Variants in CDKL5 observed in about 807,000 individuals in gnomAD.
The protein encoded by CDKL5 is cyclin dependent kinase like 5, also known as cyclin-dependent kinase-like 5.
In CDKL5, 8 loss-of-function variants were observed where a neutral mutation model predicts 61.7. That is an observed-to-expected ratio of 0.13 (90% CI 0.08 to 0.23). The LOEUF is 0.23. Among genes scored for constraint, CDKL5 ranks in the 10% least tolerant of loss-of-function variants. The pLI is 1.00. For missense variants in CDKL5, 440 were observed against 734.5 expected (o/e 0.60, Z 4.63); for synonymous variants, 275 against 272.3 (o/e 1.01, Z -0.10).
intron 2 of CDKL5, among the ~76,000 whole-genome samples, chrX:18,510,219 G>T (rs544193932): frequency 1.8e-5 from 2 of 111,129 alleles, no homozygotes; most frequent in Non-Finnish European, 3.8e-5. Flanking sequence ...GCAGTGGCGC[G>T]ATCTGGACTA....
At chrX:18,620,147 A>G (rs1006634297) in intron 16 of CDKL5, among the ~76,000 whole-genome samples, 181 bp downstream of exon 16, 2 of 112,297 alleles carry the variant, frequency 1.8e-5, no homozygotes, top group South Asian at 7.3e-4. Flanking sequence ...AGCCTTTTCT[A>G]CATTCAACAG....
chrX:18,468,889 C>T (rs1346521127), intron 1 of CDKL5, among the ~76,000 whole-genome samples: 2 of 110,719 alleles, frequency 1.8e-5, no homozygotes, highest in Admixed American at 1.9e-4. Context: ...GTTTTTATAC[C>T]CTTGAATATA....
chrX:18,514,717 A>G (rs1322926858), intron 3 of CDKL5, among the ~76,000 whole-genome samples: 1 of 110,762 alleles, frequency 9.0e-6, no homozygotes, highest in African/African-American at 3.3e-5. Context: ...CAAAAAAAAA[A>G]AAAAAAAGAT....
chrX:18,580,056 T>C (rs948999219), intron 6 of CDKL5, 88 bp downstream of exon 6: 7 of 816,976 alleles, frequency 8.6e-6, no homozygotes, highest in Non-Finnish European at 1.3e-5. Context: ...AAGAATATTT[T>C]CATAAGCATT....
chrX:18,482,219 A>G (rs1189390120), intron 1 of CDKL5, among the ~76,000 whole-genome samples: 2 of 111,428 alleles, frequency 1.8e-5, no homozygotes, highest in African/African-American at 6.5e-5. Flanking sequence ...CAGGGTCCAC[A>G]TGGACCACCT....
chrX:18,511,492 T>C (rs1922826743), intron 3 of CDKL5, among the ~76,000 whole-genome samples: 1 of 111,441 alleles, frequency 9.0e-6, no homozygotes, highest in Non-Finnish European at 1.9e-5. Context: ...TATGGTATTT[T>C]TTGTTTAGAT....
At chrX:18,628,127 G>A (rs959971589) in intron 17 of CDKL5, among the ~76,000 whole-genome samples, 3 of 111,857 alleles carry the variant, frequency 2.7e-5, no homozygotes, top group Non-Finnish European at 5.6e-5. Context: ...ATGAGCCTGG[G>A]CCTTTGATTG....
chrX:18,647,702 A>G (rs1927843785), intron 20 of CDKL5: 1 of 209,528 alleles, frequency 4.8e-6, no homozygotes, highest in Non-Finnish European at 8.7e-6. Flanking sequence ...AATGCCATAC[A>G]TCTTTATTTC....
chrX:18,543,674 A>G (rs1447746229), intron 3 of CDKL5, among the ~76,000 whole-genome samples: 2 of 112,226 alleles, frequency 1.8e-5, no homozygotes, highest in Non-Finnish European at 3.8e-5. Context: ...ACTATGTATC[A>G]GGCACAGTGA....
chrX:18,546,568 C>T (rs1299889879), intron 3 of CDKL5, among the ~76,000 whole-genome samples: 1 of 112,051 alleles, frequency 8.9e-6, no homozygotes, highest in Non-Finnish European at 1.9e-5. Context: ...AAACAAGTTA[C>T]ATATCTTCTT....
rs1024402938 is a variant in CDKL5 at position 18,633,286 on chromosome X, C to T, written c.*4529C>T. On this transcript the variant is annotated 3_prime_UTR_variant, in exon 18 of 18. Transcript: ENST00000623535. ...TAGTGAAATATTTCCTTGCCTCCTT[C>T]AGTTCATCACTAAGAAAGTGTGTAG... 5.3e-6 allele frequency: 4 copies of T among 751,860 alleles called. No homozygotes were observed. The African/African-American group carries it at 9.3e-5, about 17-fold the overall frequency. 62.0% of individuals were successfully genotyped at this position (751,860 alleles called of 1,213,427 possible).
intron 8 of CDKL5, among the ~76,000 whole-genome samples, chrX:18,585,262 A>T (rs1602274793): frequency 9.0e-6 from 1 of 110,624 alleles, no homozygotes; most frequent in Non-Finnish European, 1.9e-5. Flanking sequence ...AGGCATGGTG[A>T]TACCTGCCTG....
At chrX:18,461,642 A>T (rs905354279) in intron 1 of CDKL5, among the ~76,000 whole-genome samples, 2 of 112,037 alleles carry the variant, frequency 1.8e-5, no homozygotes, top group African/African-American at 6.5e-5. Context: ...TGTCAGTGAT[A>T]TTACTAGCTA....
chrX:18,514,948 A>G (rs1922962270), intron 3 of CDKL5, among the ~76,000 whole-genome samples: 1 of 109,540 alleles, frequency 9.1e-6, no homozygotes, highest in South Asian at 4.0e-4. Flanking sequence ...ATAGGCGCGC[A>G]CCAACATGCC....
chrX:18,651,191 T>C (rs1928015855), intron 21 of CDKL5, among the ~76,000 whole-genome samples: 1 of 94,414 alleles, frequency 1.1e-5, no homozygotes, highest in Admixed American at 1.2e-4. Context: ...AATGAATGGT[T>C]TCGGCTGTCC....
chrX:18,615,246 A>G (rs1376121270), intron 15 of CDKL5, among the ~76,000 whole-genome samples: 1 of 111,657 alleles, frequency 9.0e-6, no homozygotes, highest in Non-Finnish European at 1.9e-5. Flanking sequence ...TCCTTCCTTC[A>G]TCGCATCTCA....
At chrX:18,460,338 A>G (rs1321468304) in intron 1 of CDKL5, among the ~76,000 whole-genome samples, 1 of 110,954 alleles carries the variant, frequency 9.0e-6, no homozygotes, top group Non-Finnish European at 1.9e-5. Flanking sequence ...TCACGAGAAC[A>G]GTACCCAGGT....
At chrX:18,446,625 G>T (rs746268592) in intron 1 of CDKL5, among the ~76,000 whole-genome samples, 2 of 111,808 alleles carry the variant, frequency 1.8e-5, no homozygotes, top group South Asian at 7.5e-4. Context: ...TGTGATTTCT[G>T]TGGGAAGGTA....
At chrX:18,462,193 C>A (rs772985702) in intron 1 of CDKL5, among the ~76,000 whole-genome samples, 57 of 110,195 alleles carry the variant, frequency 5.2e-4, no homozygotes, top group African/African-American at 1.7e-3. Context: ...AGATTCGACA[C>A]CCCTGCTGTA....
Sources: allele counts gnomAD v4.1 joint callset (sites outside exome capture counted in the v4.1 genomes callset), GRCh38; gene constraint gnomAD v4.1.1; transcripts MANE v1.5; gene names NCBI Gene and HGNC (gene_info 2026-07-23, HGNC 2026-07-21).